The following TMEM120B variants were observed in gnomAD, a reference collection of about 807,000 sequenced individuals.
TMEM120B encodes transmembrane protein 120B.
A neutral mutation model predicts 55.5 loss-of-function variants in TMEM120B; 31 were observed. That is an observed-to-expected ratio of 0.56 (90% confidence interval 0.42 to 0.75). The LOEUF (loss-of-function observed/expected upper bound fraction) is 0.75, where lower values mean the gene tolerates loss of function less well. TMEM120B is among the 30% of genes least tolerant of loss of function. The pLI, the probability that TMEM120B is intolerant of heterozygous loss-of-function variation, is 0.00. For missense variants in TMEM120B, 399 were observed against 425.5 expected (o/e 0.94, Z 0.55); for synonymous variants, 203 against 176.3 (o/e 1.15, Z -1.20).
At position 121,775,773 on chromosome 12, in the gene TMEM120B, C is replaced by T. The variant is rs778455634; in HGVS notation, c.*51C>T. On this transcript the variant is annotated 3_prime_UTR_variant, in exon 12 of 12. Transcript: ENST00000449592. This position sits in a 1 kb window ranked among gnomAD's most constrained non-coding sequence, Gnocchi z 4.3. ...CGGACTTCAGACTGCAGGGGGCTCC[C>T]GGGCTCCTTCCCAGCAGCCCTCTCA... 2.2e-5 allele frequency: 35 copies of T among 1,594,248 alleles called. No homozygotes were observed. The highest frequency in any genetic ancestry group is 6.7e-5 in the East Asian group (3 of 44,728).
At chr12:121,734,679 TGAG>T (rs1895071119) in intron 1 of TMEM120B, among the ~76,000 whole-genome samples, 1 of 152,060 alleles carries the variant, frequency 6.6e-6, no homozygotes, top group African/African-American at 2.4e-5. Context: ...TTTGCGAGGC[TGAG>T]ATGGGTGGAT....
chr12:121,731,271 A>C (rs1049653832), intron 1 of TMEM120B, among the ~76,000 whole-genome samples: 1 of 151,854 alleles, frequency 6.6e-6, no homozygotes, highest in East Asian at 1.9e-4. Context: ...TATTTTTTTC[A>C]GGCGTAGTCT....
chr12:121,758,826 G>C (rs886739098), intron 5 of TMEM120B: 1 of 979,074 alleles, frequency 1.0e-6, no homozygotes, highest in Non-Finnish European at 1.2e-6. Flanking sequence ...GGAGGAGGAC[G>C]GCCTAGCTCC....
At chr12:121,719,349 C>T (rs1485371097) in intron 1 of TMEM120B, among the ~76,000 whole-genome samples, 2 of 152,136 alleles carry the variant, frequency 1.3e-5, no homozygotes, top group Non-Finnish European at 2.9e-5. Context: ...CAACAGGAGG[C>T]TGAGGCAGGT....
intron 2 of TMEM120B, among the ~76,000 whole-genome samples, chr12:121,747,607 C>T (rs866155110): frequency 1.6e-4 from 1 of 6,274 alleles, no homozygotes; most frequent in Non-Finnish European, 2.6e-4. Context: ...GGGTAGAAGG[C>T]GGGAGGCTGG....
At position 121,759,691 on chromosome 12, in the gene TMEM120B, G is replaced by A. The variant is rs190093829; in HGVS notation, c.462-1958G>A. Among the ~76,000 whole-genome samples, 24 of 151,610 alleles carry A rather than the reference G, an allele frequency of 1.6e-4. No homozygotes were observed. The East Asian group carries it at 3.4e-3, about 21-fold the overall frequency. Reference sequence around the variant, plus strand: ...AAACTCCGTGTCAAACAAACAAAACGCTTTAGAGCAGGAATGAAAAGCCAC... The same window carrying A: ...AAACTCCGTGTCAAACAAACAAAACACTTTAGAGCAGGAATGAAAAGCCAC... On this transcript the variant is annotated intron_variant, in intron 5 of 11. Transcript: ENST00000449592.
In TMEM120B at chr12:121,714,878, C is replaced by T. The variant is rs551064999; in HGVS notation, c.69+1914C>T. On this transcript the variant is annotated intron_variant, in intron 1 of 11. Transcript: ENST00000449592. ...CCTGGTCCTCAGCCACTTCTTAATG[C>T]TTTGTCTTACTGGGCTCGGAGGTCA... Among the ~76,000 whole-genome samples, 10 of 152,110 alleles carry T rather than the reference C, an allele frequency of 6.6e-5. No individual in the cohort carries two copies. In the South Asian group the frequency reaches 2.1e-3, roughly 32 times the overall value.
intron 3 of TMEM120B, among the ~76,000 whole-genome samples, chr12:121,749,082 C>T (rs934307492): frequency 9.2e-5 from 14 of 152,164 alleles, no homozygotes; most frequent in African/African-American, 1.9e-4. Context: ...CCCTGTTTTC[C>T]GGATCAGCCT....
intron 1 of TMEM120B, among the ~76,000 whole-genome samples, chr12:121,717,761 G>A (rs1197634345): frequency 2.0e-5 from 3 of 152,176 alleles, no homozygotes; most frequent in Non-Finnish European, 4.4e-5. Flanking sequence ...AGGTTCAAGC[G>A]ATTCTCCTGC....
chr12:121,724,490 A>T (rs1478904937), intron 1 of TMEM120B, among the ~76,000 whole-genome samples: 1 of 149,548 alleles, frequency 6.7e-6, no homozygotes, highest in Non-Finnish European at 1.5e-5. Flanking sequence ...ACTATTTCTT[A>T]GGTTTATGGT....
chr12:121,714,133 C>T lies in TMEM120B; in HGVS notation c.69+1169C>T, dbSNP rs376161752. Among the ~76,000 whole-genome samples the T allele has an allele frequency of 9.8e-5, 15 of 152,286 alleles. No homozygotes were observed. The East Asian group carries it at 1.5e-3, about 16-fold the overall frequency. ...GAATAGAGGGGAAGGGACCTAGACA[C>T]ATCTCGACCTGTCCAGCATGTGTAG... On this transcript the variant is annotated intron_variant, in intron 1 of 11. Coordinates refer to ENST00000449592, the MANE Select transcript of TMEM120B (RefSeq NM_001080825.2).
intron 5 of TMEM120B, among the ~76,000 whole-genome samples, chr12:121,757,706 C>G (rs571463747): frequency 6.6e-6 from 1 of 152,056 alleles, no homozygotes; most frequent in Non-Finnish European, 1.5e-5. Context: ...TTAGTAGAGA[C>G]GGGGTTTCAC....
Position 121,779,831 on chromosome 12 carries a change from A to G in TMEM120B, c.*4109A>G. ...CCCTCACAGTGTGTGGGTGGAATGGAGGGCCAGGGCAGTGCAGCCCGCAGG... is the reference window on the plus strand; with the variant it reads ...CCCTCACAGTGTGTGGGTGGAATGGGGGGCCAGGGCAGTGCAGCCCGCAGG... On this transcript the variant is annotated 3_prime_UTR_variant, in exon 12 of 12. Coordinates refer to ENST00000449592, the MANE Select transcript of TMEM120B (RefSeq NM_001080825.2). The G allele has an allele frequency of 1.4e-6, 1 of 693,172 alleles. No individual in the cohort carries two copies. The allele number at this position is 693,172 out of a possible 1,614,324, so 42.9% of individuals were successfully genotyped here.
At chr12:121,771,124 C>G (rs560372001) in intron 7 of TMEM120B, 152 bp downstream of exon 7, 8 of 873,684 alleles carry the variant, frequency 9.2e-6, no homozygotes, top group Non-Finnish European at 1.4e-5. Context: ...CGCCGGGCTG[C>G]GCGGGCCCCA....
intron 3 of TMEM120B, 83 bp from the exon 4 acceptor site, chr12:121,750,297 C>G: frequency 7.7e-7 from 1 of 1,297,914 alleles, no homozygotes. Flanking sequence ...TTGGGATGTG[C>G]TCATTAAGTG....
At chr12:121,728,131 C>G (rs945522521) in intron 1 of TMEM120B, among the ~76,000 whole-genome samples, 1 of 151,612 alleles carries the variant, frequency 6.6e-6, no homozygotes, top group Non-Finnish European at 1.5e-5. Flanking sequence ...CCTCAGCCTC[C>G]CAAATAGCTG....
At chr12:121,767,547 GT>G (rs58756946) in intron 6 of TMEM120B, among the ~76,000 whole-genome samples, 3 of 152,198 alleles carry the variant, frequency 2.0e-5, no homozygotes, top group African/African-American at 7.2e-5. Flanking sequence ...TGATAAAAAG[GT>G]TTTAAAACAG....
chr12:121,773,951 CTT>C (rs560321014), intron 9 of TMEM120B, among the ~76,000 whole-genome samples: 1,389 of 96,504 alleles, frequency 0.014, 7 homozygotes, highest in African/African-American at 0.049. Context: ...ACTCTGCTAT[CTT>C]TTTTTTTTTT....
rs528075153 is a variant in TMEM120B, at chr12:121,771,125, G to A, written c.617+153G>A. On this transcript the variant is annotated intron_variant, in intron 7 of 11. Transcript: ENST00000449592. ...TGAGCCTGCAGCTGCGCCGGGCTGC[G>A]CGGGCCCCACCCAGCCCGTGAGGGG... is the stretch of plus-strand genomic sequence containing the variant. Among the ~76,000 whole-genome samples the A allele has an allele frequency of 2.0e-4, 30 of 152,256 alleles. No homozygotes were observed. The South Asian group carries it at 3.3e-3, about 17-fold the overall frequency.
Sources: gnomAD v4.1 joint callset for allele counts (sites outside exome capture counted in the v4.1 genomes callset) on GRCh38, gnomAD v4.1.1 for gene constraint, Gnocchi (gnomAD v3.1) non-coding constraint, MANE v1.5 for transcripts, NCBI Gene and HGNC (gene_info 2026-07-23, HGNC 2026-07-21) for gene names.